The following DAPK1 variants were observed in gnomAD, a reference collection of about 807,000 sequenced individuals.
DAPK1 encodes death associated protein kinase 1.
A neutral mutation model predicts 144.9 loss-of-function variants in DAPK1; 56 were observed. The observed-to-expected ratio is 0.39, with a 90% CI of 0.31 to 0.48. The LOEUF is 0.48. Among genes scored for constraint, DAPK1 ranks in the 20% least tolerant of loss-of-function variants. The pLI is 0.95. For synonymous variants in DAPK1, 690 were observed against 749.0 expected (o/e 0.92, Z 1.29); for missense variants, 1,454 against 1,875.4 (o/e 0.78, Z 4.15).
chr9:87,517,088 C>G (rs1322175123), intron 2 of DAPK1, among the ~76,000 whole-genome samples: 1 of 151,304 alleles, frequency 6.6e-6, no homozygotes, highest in Non-Finnish European at 1.5e-5. Flanking sequence ...TAACAGGAAC[C>G]ACCTGCAGGG....
intron 2 of DAPK1, among the ~76,000 whole-genome samples, chr9:87,549,057 C>T (rs1165804761): frequency 1.3e-5 from 2 of 151,430 alleles, no homozygotes; most frequent in Admixed American, 1.3e-4. Context: ...GATATTAACC[C>T]AGTACCCATT....
rs756335066 is a variant in DAPK1 at position 87,706,106 on chromosome 9, C to G, written c.3061-26C>G. The G allele has an allele frequency of 1.9e-6, 3 of 1,554,264 alleles. No individual in the cohort carries two copies. The highest frequency in any genetic ancestry group is 1.4e-5 in the African/African-American group (1 of 74,048). On this transcript the variant is annotated intron_variant, in intron 25 of 25. Transcript: ENST00000408954. The surrounding 1 kb of genome is among the most constrained non-coding windows in gnomAD (Gnocchi z 9.0). ...ACCTGGCCAGGGCTCTGTCCCTAAG[C>G]GTGACTTTCTGTTGTCCCCCCGCAG...
At chr9:87,559,193 A>G (rs935652132) in intron 2 of DAPK1, among the ~76,000 whole-genome samples, 2 of 152,242 alleles carry the variant, frequency 1.3e-5, no homozygotes, top group Non-Finnish European at 2.9e-5. Flanking sequence ...CTTGTTTTAC[A>G]AATGAAGAAA....
At chr9:87,578,951 C>G (rs529295290) in intron 2 of DAPK1, among the ~76,000 whole-genome samples, 1 of 152,296 alleles carries the variant, frequency 6.6e-6, no homozygotes, top group South Asian at 2.1e-4. Flanking sequence ...ATGTTTTGTA[C>G]CATTTAGCCT....
At chr9:87,592,573 C>T (rs1828176312) in intron 2 of DAPK1, among the ~76,000 whole-genome samples, 1 of 152,202 alleles carries the variant, frequency 6.6e-6, no homozygotes, top group Non-Finnish European at 1.5e-5. Context: ...GTGACACATT[C>T]TCTTCAAAAG....
intron 20 of DAPK1, 115 bp downstream of exon 20, chr9:87,681,741 C>A: frequency 2.8e-6 from 2 of 701,784 alleles, no homozygotes; most frequent in East Asian, 5.4e-5. Flanking sequence ...CTATACTGGA[C>A]CCTGTGGCCT....
chr9:87,695,112 G>C (rs920781477), intron 21 of DAPK1, among the ~76,000 whole-genome samples: 2 of 152,138 alleles, frequency 1.3e-5, no homozygotes, highest in African/African-American at 4.8e-5. Flanking sequence ...AACTTGTCTT[G>C]GGACCCCAGG....
intron 2 of DAPK1, among the ~76,000 whole-genome samples, chr9:87,599,130 T>C (rs1017443537): frequency 5.9e-5 from 9 of 152,186 alleles, no homozygotes; most frequent in Non-Finnish European, 1.0e-4. Context: ...ACATAATATG[T>C]ACGAGGTCCA....
intron 2 of DAPK1, among the ~76,000 whole-genome samples, chr9:87,563,624 C>T (rs972524723): frequency 2.0e-5 from 3 of 152,196 alleles, no homozygotes; most frequent in Non-Finnish European, 4.4e-5. Flanking sequence ...TGTCAAGCCT[C>T]CTGGAGGATA....
intron 3 of DAPK1, among the ~76,000 whole-genome samples, chr9:87,628,118 C>G (rs1179236132): frequency 6.6e-6 from 1 of 152,150 alleles, no homozygotes; most frequent in African/African-American, 2.4e-5. Context: ...TTCCTGCTTT[C>G]ACACAACCTC....
rs962071382 is a variant in DAPK1, at chr9:87,549,361, T to G, written c.62+50222T>G. Among the ~76,000 whole-genome samples, 4 of 152,200 alleles carry G rather than the reference T, an allele frequency of 2.6e-5. No individual in the cohort carries two copies. In the East Asian group the frequency reaches 7.7e-4, roughly 29 times the overall value. On this transcript the variant is annotated intron_variant, in intron 2 of 25. Coordinates refer to ENST00000408954, the MANE Select transcript of DAPK1 (RefSeq NM_004938.4). ...ATCATTGATGGGCATTTGGGTTGAT[T>G]CCATGTCTTTGCTATTGTGAATAGT...
At chr9:87,580,987 A>C (rs1019978140) in intron 2 of DAPK1, among the ~76,000 whole-genome samples, 1 of 152,226 alleles carries the variant, frequency 6.6e-6, no homozygotes, top group East Asian at 1.9e-4. Flanking sequence ...CCATGGGACC[A>C]CTAAACCCTC....
rs540554215 is a variant in DAPK1, at chr9:87,639,632, G to A, written c.554-18G>A. ...GTTTGCTTCCTCCCAAGCTAAATGA[G>A]TGTTTGTTTCCTCTTAGCTCCTGAG... On this transcript the variant is annotated intron_variant, in intron 5 of 25. Transcript: ENST00000408954. 3.1e-6 allele frequency: 5 copies of A among 1,613,924 alleles called. No individual in the cohort carries two copies. The South Asian group carries it at 4.4e-5, about 14-fold the overall frequency.
chr9:87,589,642 T>A (rs1828058377), intron 2 of DAPK1, among the ~76,000 whole-genome samples: 1 of 152,152 alleles, frequency 6.6e-6, no homozygotes, highest in African/African-American at 2.4e-5. Context: ...AATACAGAAA[T>A]TCCTGTTTAT....
intron 2 of DAPK1, 162 bp downstream of exon 2, chr9:87,499,301 C>T: frequency 1.5e-6 from 1 of 671,570 alleles, no homozygotes; most frequent in African/African-American, 1.8e-5. Flanking sequence ...CGGTAAACCG[C>T]CTGATCCAAG....
chr9:87,547,604 T>C (rs201938117), intron 2 of DAPK1, among the ~76,000 whole-genome samples: 31 of 149,612 alleles, frequency 2.1e-4, no homozygotes, highest in Admixed American at 6.0e-4. Flanking sequence ...TGTGTGTGTG[T>C]GCGTGTGTGT....
intron 2 of DAPK1, among the ~76,000 whole-genome samples, chr9:87,588,089 G>A (rs1449194387): frequency 6.6e-6 from 1 of 152,210 alleles, no homozygotes; most frequent in Admixed American, 6.5e-5. Context: ...AGATCACACA[G>A]CTAGTAAATG....
In DAPK1 at chr9:87,642,608, C is replaced by T. The variant is rs73481366; in HGVS notation, c.918+550C>T. Among the ~76,000 whole-genome samples the T allele has an allele frequency of 1.8e-3, 277 of 152,228 alleles. 1 individual carries two copies. Among genetic ancestry groups the T allele is most frequent in the African/African-American group, 6.3e-3 (261 of 41,536 alleles). ...TCCTGGAACAAATCACACTTCAGGG[C>T]TAAGAAGGTGATGGGATGGTTTCCT... is the stretch of plus-strand genomic sequence containing the variant. On this transcript the variant is annotated intron_variant, in intron 10 of 25. Transcript: ENST00000408954.
At position 87,631,998 on chromosome 9, in the gene DAPK1, A is replaced by G. The variant is rs950291008; in HGVS notation, c.285-5945A>G. ...TATGTAGAAATAAAGGAAGATGAGT[A>G]TATATGTAGAGATGAAGGAGGATGA... On this transcript the variant is annotated intron_variant, in intron 3 of 25. Transcript: ENST00000408954. 4 of 737,282 alleles carry G rather than the reference A, an allele frequency of 5.4e-6. No individual in the cohort carries two copies. The African/African-American group carries it at 7.3e-5, about 13-fold the overall frequency. 45.7% of individuals were successfully genotyped at this position (737,282 alleles called of 1,614,324 possible). A position where few individuals can be genotyped will look rare whatever the true frequency, so the allele number is the denominator to read the frequency against.
Sources: allele counts gnomAD v4.1 joint callset (sites outside exome capture counted in the v4.1 genomes callset), GRCh38; gene constraint gnomAD v4.1.1; non-coding constraint Gnocchi (gnomAD v3.1); transcripts MANE v1.5; gene names NCBI Gene and HGNC (gene_info 2026-07-23, HGNC 2026-07-21).